Variants in STAU2 observed in about 807,000 individuals in gnomAD.
STAU2 encodes double-stranded RNA-binding protein Staufen homolog 2.
A neutral mutation model predicts 65.9 loss-of-function variants in STAU2; 20 were observed. The ratio of observed to expected loss-of-function variants is 0.30; its 90% confidence interval spans 0.21 to 0.44. The LOEUF (loss-of-function observed/expected upper bound fraction) is 0.44. STAU2 is among the 20% of genes least tolerant of loss of function. The pLI, the probability that STAU2 is intolerant of heterozygous loss-of-function variation, is 1.00. For missense variants in STAU2, 558 were observed against 683.9 expected (o/e 0.82, Z 2.05); for synonymous variants, 232 against 233.9 (o/e 0.99, Z 0.07).
chr8:73,635,567 CTGTAATCCCAG>C (rs770655904), intron 6 of STAU2, among the ~76,000 whole-genome samples: 70 of 152,118 alleles, frequency 4.6e-4, no homozygotes, highest in Admixed American at 2.3e-3. Flanking sequence ...TGGCTCATGC[CTGTAATCCCAG>C]CACTTTTGGA....
At chr8:73,585,138 T>C (rs1563439613) in intron 11 of STAU2, among the ~76,000 whole-genome samples, 1 of 151,676 alleles carries the variant, frequency 6.6e-6, no homozygotes, top group Non-Finnish European at 1.5e-5. Flanking sequence ...TAAAATCTGT[T>C]TTATTTGACT....
intron 4 of STAU2, among the ~76,000 whole-genome samples, chr8:73,702,406 T>G (rs78847076): frequency 0.011 from 1,647 of 152,198 alleles, 33 homozygotes; most frequent in African/African-American, 0.038. Flanking sequence ...TGAGAAAATT[T>G]TGTGGGACAA....
intron 3 of STAU2, among the ~76,000 whole-genome samples, chr8:73,730,728 CAAAAAAAAAAAAA>C (rs60034849): frequency 1.5e-4 from 12 of 82,700 alleles, no homozygotes; most frequent in Admixed American, 1.4e-3. Context: ...CTACGTCTTT[CAAAAAAAAAAAAA>C]AAAAAAAGAC....
intron 12 of STAU2, chr8:73,561,270 T>G: frequency 3.0e-6 from 1 of 328,374 alleles, no homozygotes; most frequent in Non-Finnish European, 5.9e-6. Flanking sequence ...CCACTCATCT[T>G]AATAATAAGG....
intron 6 of STAU2, among the ~76,000 whole-genome samples, chr8:73,654,821 G>T (rs181507729): frequency 0.014 from 2,168 of 150,902 alleles, 47 homozygotes; most frequent in African/African-American, 0.049. Flanking sequence ...TGTGTAGCTG[G>T]GACTACAGGC....
At chr8:73,561,297 G>T in intron 12 of STAU2, 1 of 326,420 alleles carries the variant, frequency 3.1e-6, no homozygotes, top group Middle Eastern at 1.1e-3. Flanking sequence ...TCACTTAGTT[G>T]GCTTATTTAG....
intron 6 of STAU2, among the ~76,000 whole-genome samples, chr8:73,668,533 A>G (rs1243216987): frequency 6.6e-6 from 1 of 152,188 alleles, no homozygotes; most frequent in East Asian, 1.9e-4. Flanking sequence ...CAGCCATTCT[A>G]TTTCTCTAAT....
At chr8:73,736,665 G>A (rs765965231) in intron 3 of STAU2, among the ~76,000 whole-genome samples, 20 of 152,110 alleles carry the variant, frequency 1.3e-4, no homozygotes, top group Non-Finnish European at 2.5e-4. Context: ...TATTTCTAGG[G>A]CACACATTAA....
intron 4 of STAU2, among the ~76,000 whole-genome samples, chr8:73,689,465 C>T (rs10106560): frequency 0.28 from 41,981 of 151,992 alleles, 6,313 homozygotes; most frequent in East Asian, 0.46. Flanking sequence ...ACAAATCCAA[C>T]TTCATCACCC....
At chr8:73,644,786 A>G (rs563282956) in intron 6 of STAU2, among the ~76,000 whole-genome samples, 3 of 152,194 alleles carry the variant, frequency 2.0e-5, no homozygotes, top group Non-Finnish European at 4.4e-5. Context: ...GTAGACATCA[A>G]AAGAATAAGG....
intron 13 of STAU2, among the ~76,000 whole-genome samples, chr8:73,478,843 T>G (rs1820456463): frequency 6.6e-6 from 1 of 152,096 alleles, no homozygotes; most frequent in Admixed American, 6.6e-5. Context: ...GACAGGTGGG[T>G]AGATGGATAA....
intron 4 of STAU2, among the ~76,000 whole-genome samples, chr8:73,705,569 C>A (rs1265487284): frequency 6.6e-6 from 1 of 152,064 alleles, no homozygotes; most frequent in Non-Finnish European, 1.5e-5. Flanking sequence ...TTTGAGCAAA[C>A]CAAAACAATA....
chr8:73,618,254 TA>T (rs1310724167), intron 6 of STAU2, among the ~76,000 whole-genome samples: 1 of 152,074 alleles, frequency 6.6e-6, no homozygotes, highest in East Asian at 1.9e-4. Flanking sequence ...GATGTAGATG[TA>T]AGAAAAAGTA....
Position 73,588,712 on chromosome 8 carries a change from G to GA in STAU2, c.1162-5883dup, listed in dbSNP as rs201550652. Reference sequence around the variant, plus strand: ...AAAGCAAAAGCTATATGCTCCTGGGGAAAAAAAAAGATAGAAAACCTACTT... The same window carrying GA: ...AAAGCAAAAGCTATATGCTCCTGGGGAAAAAAAAAAGATAGAAAACCTACTT... On this transcript the variant is annotated intron_variant, in intron 11 of 14. Transcript: ENST00000524300. 1.2e-3 allele frequency among the ~76,000 whole-genome samples: 188 copies of GA among 150,956 alleles called. 1 individual carries two copies. Among genetic ancestry groups the GA allele is most frequent in the South Asian group, 9.0e-3 (43 of 4,776 alleles).
chr8:73,577,992 G>A (rs1488443606), intron 12 of STAU2, among the ~76,000 whole-genome samples: 1 of 151,296 alleles, frequency 6.6e-6, no homozygotes, highest in Non-Finnish European at 1.5e-5. Flanking sequence ...TTTCTTATGC[G>A]GCTCCTTGAA....
intron 13 of STAU2, among the ~76,000 whole-genome samples, chr8:73,542,042 C>T (rs1185906483): frequency 6.6e-6 from 1 of 151,292 alleles, no homozygotes; most frequent in Admixed American, 6.6e-5. Context: ...CCAAAACATT[C>T]CAAAAATGGT....
At chr8:73,483,177 A>G (rs1441103974) in intron 13 of STAU2, among the ~76,000 whole-genome samples, 1 of 152,112 alleles carries the variant, frequency 6.6e-6, no homozygotes, top group Non-Finnish European at 1.5e-5. Context: ...CAACATGCTG[A>G]TAAAAGATTA....
At chr8:73,707,805 C>G (rs1437775408) in intron 4 of STAU2, among the ~76,000 whole-genome samples, 3 of 152,092 alleles carry the variant, frequency 2.0e-5, no homozygotes, top group East Asian at 3.8e-4. Context: ...ACAGTAACGG[C>G]TACCACAGAG....
chr8:73,700,974 T>C (rs1820055888), intron 4 of STAU2, among the ~76,000 whole-genome samples: 2 of 152,136 alleles, frequency 1.3e-5, no homozygotes, highest in Middle Eastern at 3.4e-3. Context: ...TCCACACACC[T>C]ACGATGAACT....
Sources: gnomAD v4.1 joint callset for allele counts (sites outside exome capture counted in the v4.1 genomes callset) on GRCh38, gnomAD v4.1.1 for gene constraint, MANE v1.5 for transcripts, NCBI Gene and HGNC (gene_info 2026-07-23, HGNC 2026-07-21) for gene names.